Variants in PRKAG2 observed in about 807,000 individuals in gnomAD.
PRKAG2 encodes protein kinase AMP-activated non-catalytic subunit gamma 2, also known as 5'-AMP-activated protein kinase subunit gamma-2.
A neutral mutation model predicts 69.6 loss-of-function variants in PRKAG2; 26 were observed. The ratio of observed to expected loss-of-function variants is 0.37; its 90% confidence interval spans 0.27 to 0.52. The LOEUF (loss-of-function observed/expected upper bound fraction) is 0.52, where lower values mean the gene tolerates loss of function less well. Ranked by LOEUF, PRKAG2 falls within the 20% of genes least tolerant of loss-of-function variation. The pLI is 0.90. For synonymous variants in PRKAG2, 293 were observed against 285.0 expected, an observed-to-expected ratio of 1.03 and a Z score of -0.28; for missense variants, 557 against 740.0, an observed-to-expected ratio of 0.75 and a Z score of 2.87.
At chr7:151,630,945 C>T (rs572119344) in intron 5 of PRKAG2, among the ~76,000 whole-genome samples, 32 of 152,202 alleles carry the variant, frequency 2.1e-4, no homozygotes, top group Non-Finnish European at 4.3e-4. Flanking sequence ...ACTATGAACG[C>T]GTTCTCTTCC....
intron 6 of PRKAG2, among the ~76,000 whole-genome samples, chr7:151,590,866 T>C (rs1812929347): frequency 6.6e-6 from 1 of 152,230 alleles, no homozygotes; most frequent in Non-Finnish European, 1.5e-5. Context: ...TGAGAAATTG[T>C]TCATTAACAT....
chr7:151,740,923 C>T (rs1043248609), intron 3 of PRKAG2, among the ~76,000 whole-genome samples: 1 of 152,210 alleles, frequency 6.6e-6, no homozygotes, highest in Admixed American at 6.5e-5. Flanking sequence ...ATTATTTCTG[C>T]TGTTAAATAT....
intron 4 of PRKAG2, among the ~76,000 whole-genome samples, chr7:151,647,785 T>C (rs1036030579): frequency 6.6e-6 from 1 of 152,134 alleles, no homozygotes; most frequent in Non-Finnish European, 1.5e-5. Context: ...TTTGGCAATA[T>C]AAAAAAATCC....
In PRKAG2 at chr7:151,658,262, C is replaced by A. The variant is rs921397550; in HGVS notation, c.684+17158G>T. ...CAGCACTTTGGGAGGCTGAGGCGGGCGGATCATGAGGTCAGGAGTTTGAGA... is the reference window on the plus strand; with the variant it reads ...CAGCACTTTGGGAGGCTGAGGCGGGAGGATCATGAGGTCAGGAGTTTGAGA... On this transcript the variant is annotated intron_variant, in intron 4 of 15. Transcript: ENST00000287878. 2.7e-5 allele frequency among the ~76,000 whole-genome samples: 4 copies of A among 150,578 alleles called. No homozygotes were observed. The South Asian group carries it at 6.3e-4, about 24-fold the overall frequency.
At chr7:151,668,367 G>A (rs1831344245) in intron 4 of PRKAG2, among the ~76,000 whole-genome samples, 1 of 152,166 alleles carries the variant, frequency 6.6e-6, no homozygotes, top group Non-Finnish European at 1.5e-5. Flanking sequence ...CCCAGCCTCA[G>A]GTATATTGTT....
At chr7:151,600,347 A>C (rs1010304412) in intron 5 of PRKAG2, among the ~76,000 whole-genome samples, 1 of 152,362 alleles carries the variant, frequency 6.6e-6, no homozygotes, top group South Asian at 2.1e-4. Context: ...TAGCAAAACA[A>C]GTGTTAAACA....
At chr7:151,775,882 A>G (rs1258389102) in intron 3 of PRKAG2, among the ~76,000 whole-genome samples, 4 of 152,232 alleles carry the variant, frequency 2.6e-5, no homozygotes, top group Admixed American at 2.6e-4. Context: ...TCATGAAGTT[A>G]GTTCTAGGGC....
At chr7:151,640,765 C>T (rs1303000263) in intron 4 of PRKAG2, among the ~76,000 whole-genome samples, 1 of 152,152 alleles carries the variant, frequency 6.6e-6, no homozygotes, top group African/African-American at 2.4e-5. Flanking sequence ...ATTTAACACA[C>T]TGGCTTGGGA....
intron 6 of PRKAG2, among the ~76,000 whole-genome samples, chr7:151,587,920 G>A (rs1812080135): frequency 6.6e-6 from 1 of 152,192 alleles, no homozygotes; most frequent in East Asian, 1.9e-4. Flanking sequence ...CCACACTAAC[G>A]CAAGATGTCA....
At chr7:151,694,398 C>T (rs562112613) in intron 3 of PRKAG2, among the ~76,000 whole-genome samples, 1 of 152,332 alleles carries the variant, frequency 6.6e-6, no homozygotes, top group South Asian at 2.1e-4. Context: ...CCACCATCTC[C>T]AGAACCATTT....
intron 3 of PRKAG2, chr7:151,736,007 C>T (rs1249668614): frequency 3.9e-6 from 6 of 1,536,024 alleles, no homozygotes; most frequent in Non-Finnish European, 4.4e-6. Flanking sequence ...TAGCTGTGGC[C>T]ACAGGAGTGG....
At chr7:151,740,891 A>G (rs966644516) in intron 3 of PRKAG2, among the ~76,000 whole-genome samples, 3 of 152,250 alleles carry the variant, frequency 2.0e-5, no homozygotes, top group African/African-American at 7.2e-5. Context: ...ACCGCCAGCT[A>G]GGTCCCCTGA....
chr7:151,832,705 G>A (rs2151877750), intron 1 of PRKAG2, among the ~76,000 whole-genome samples: 1 of 152,010 alleles, frequency 6.6e-6, no homozygotes, highest in South Asian at 2.1e-4. Flanking sequence ...CCGCTCTCGG[G>A]TACTCTCCAG....
intron 4 of PRKAG2, among the ~76,000 whole-genome samples, chr7:151,637,253 A>T (rs764574832): frequency 4.6e-5 from 7 of 152,248 alleles, no homozygotes; most frequent in Admixed American, 3.3e-4. Context: ...TTTTTAAAAA[A>T]ACTTGGAGTG....
chr7:151,871,781 C>G (rs1056030956), intron 1 of PRKAG2, among the ~76,000 whole-genome samples: 1 of 152,080 alleles, frequency 6.6e-6, no homozygotes, highest in Non-Finnish European at 1.5e-5. Context: ...CATCAGAGCC[C>G]GAGAGAGGAG....
chr7:151,823,610 T>A (rs2151867297), intron 1 of PRKAG2, among the ~76,000 whole-genome samples: 1 of 152,058 alleles, frequency 6.6e-6, no homozygotes, highest in South Asian at 2.1e-4. Context: ...GGGCCTCATC[T>A]CTGATTAAAA....
rs1269070906 is a variant in PRKAG2 at position 151,876,899 on chromosome 7, G to A, written c.-279C>T. Reference sequence around the variant, plus strand: ...GTCTCCCCGGGTTACTCGTGGCTGAGGTCTCCCGCTGGGTGACAAAGTTTT... The same window carrying A: ...GTCTCCCCGGGTTACTCGTGGCTGAAGTCTCCCGCTGGGTGACAAAGTTTT... On this transcript the variant is annotated 5_prime_UTR_variant, in exon 1 of 16. Transcript: ENST00000287878. 1 of 537,224 alleles carries A rather than the reference G, an allele frequency of 1.9e-6. No homozygotes were observed. Among genetic ancestry groups the A allele is most frequent in the South Asian group, 2.1e-5 (1 of 47,602 alleles). The allele number at this position is 537,224 out of a possible 1,614,324, so 33.3% of individuals were successfully genotyped here.
intron 3 of PRKAG2, among the ~76,000 whole-genome samples, chr7:151,774,997 A>G (rs1466138995): frequency 6.6e-6 from 1 of 152,194 alleles, no homozygotes; most frequent in Non-Finnish European, 1.5e-5. Context: ...AAGACTCAGA[A>G]AACAGGGGAT....
At chr7:151,844,647 C>T (rs1054021864) in intron 1 of PRKAG2, among the ~76,000 whole-genome samples, 2 of 152,222 alleles carry the variant, frequency 1.3e-5, no homozygotes. Flanking sequence ...GTTATTATTT[C>T]TATCGTGAGT....
Sources: gnomAD v4.1 joint callset for allele counts (sites outside exome capture counted in the v4.1 genomes callset) on GRCh38, gnomAD v4.1.1 for gene constraint, MANE v1.5 for transcripts, NCBI Gene and HGNC (gene_info 2026-07-23, HGNC 2026-07-21) for gene names.